FMN2: variants seen among roughly 807,000 people sequenced by gnomAD.
FMN2 encodes the protein formin-2.
Under a neutral mutation model 142.3 loss-of-function variants are expected in FMN2, and 51 were observed. The observed-to-expected ratio is 0.36, with a 90% CI of 0.29 to 0.45. FMN2 has a LOEUF of 0.45. Among genes scored for constraint, FMN2 ranks in the 20% least tolerant of loss-of-function variants. The pLI is 1.00. For missense variants in FMN2, 1,936 were observed against 2,122.8 expected (o/e 0.91, Z 1.73); for synonymous variants, 882 against 869.8 (o/e 1.01, Z -0.25).
chr1:240,391,760 T>C (rs1218399809), intron 14 of FMN2, among the ~76,000 whole-genome samples: 1 of 151,736 alleles, frequency 6.6e-6, no homozygotes, highest in African/African-American at 2.4e-5. Context: ...TATATTAATA[T>C]GTATGGAGGT....
intron 8 of FMN2, among the ~76,000 whole-genome samples, chr1:240,296,186 T>C (rs970239693): frequency 1.4e-5 from 2 of 147,918 alleles, no homozygotes; most frequent in African/African-American, 5.0e-5. Flanking sequence ...GCTTTTGTTA[T>C]GTAGTACTTT....
At chr1:240,396,692 G>A (rs1180918244) in intron 15 of FMN2, among the ~76,000 whole-genome samples, 5 of 152,162 alleles carry the variant, frequency 3.3e-5, no homozygotes, top group Admixed American at 6.5e-5. Flanking sequence ...ACTTATAAGT[G>A]AGAATAGGCA....
chr1:240,402,549 A>G (rs1572270624), intron 15 of FMN2, among the ~76,000 whole-genome samples: 1 of 152,266 alleles, frequency 6.6e-6, no homozygotes, highest in Non-Finnish European at 1.5e-5. Flanking sequence ...AAGCCAAGCC[A>G]TCATATTGTA....
At chr1:240,171,042 G>T (rs1364336164) in intron 2 of FMN2, 4 of 1,052,842 alleles carry the variant, frequency 3.8e-6, no homozygotes, top group African/African-American at 1.6e-5. Context: ...TCAGTGTGGT[G>T]GTTGGAGTAG....
intron 15 of FMN2, among the ~76,000 whole-genome samples, chr1:240,405,597 G>A (rs1407514882): frequency 1.3e-5 from 2 of 148,600 alleles, no homozygotes; most frequent in Admixed American, 6.7e-5. Context: ...CAGCCTGGGC[G>A]ACAAGAGCAA....
intron 1 of FMN2, among the ~76,000 whole-genome samples, chr1:240,116,979 G>GA: frequency 6.7e-6 from 1 of 149,332 alleles, no homozygotes; most frequent in East Asian, 2.0e-4. Flanking sequence ...TGTTCTTTCG[G>GA]TTTTTTTTTT....
At chr1:240,325,213 C>G (rs1671123493) in intron 8 of FMN2, among the ~76,000 whole-genome samples, 1 of 151,756 alleles carries the variant, frequency 6.6e-6, no homozygotes, top group Non-Finnish European at 1.5e-5. Flanking sequence ...CAAAACTTAG[C>G]TGGAGGGTAG....
chr1:240,149,988 G>A (rs1207316645), intron 2 of FMN2, among the ~76,000 whole-genome samples: 1 of 152,094 alleles, frequency 6.6e-6, no homozygotes. Flanking sequence ...AATCTGATAT[G>A]TATAAATGCT....
chr1:240,244,723 TA>T (rs1032416626), intron 6 of FMN2, among the ~76,000 whole-genome samples: 39 of 152,342 alleles, frequency 2.6e-4, no homozygotes, highest in African/African-American at 8.9e-4. Flanking sequence ...GGTATTTTTT[TA>T]AAACATACAT....
intron 1 of FMN2, among the ~76,000 whole-genome samples, chr1:240,096,320 T>C (rs892355671): frequency 3.3e-5 from 5 of 152,204 alleles, no homozygotes; most frequent in African/African-American, 1.2e-4. Context: ...TAAGGTGTCC[T>C]CCTTTAATGG....
chr1:240,216,056 C>T (rs1015784098), intron 6 of FMN2, among the ~76,000 whole-genome samples: 1 of 152,126 alleles, frequency 6.6e-6, no homozygotes, highest in Non-Finnish European at 1.5e-5. Context: ...GTTTCACCAA[C>T]ATGACATTTG....
intron 14 of FMN2, among the ~76,000 whole-genome samples, chr1:240,385,413 A>T (rs1204215180): frequency 6.6e-6 from 1 of 152,190 alleles, no homozygotes; most frequent in Non-Finnish European, 1.5e-5. Context: ...AGCAAAGAAA[A>T]AGGAAAGGAA....
intron 13 of FMN2, among the ~76,000 whole-genome samples, chr1:240,337,564 G>A (rs572118227): frequency 2.0e-5 from 3 of 152,236 alleles, no homozygotes; most frequent in Middle Eastern, 3.4e-3. Flanking sequence ...ATAGGATAAC[G>A]TATAGAAAGC....
At chr1:240,404,752 C>T (rs1177453229) in intron 15 of FMN2, among the ~76,000 whole-genome samples, 2 of 152,150 alleles carry the variant, frequency 1.3e-5, no homozygotes, top group Non-Finnish European at 2.9e-5. Context: ...TGACTTTCAA[C>T]AGTAGGGGAG....
rs190203651 is a variant in FMN2 at position 240,219,598 on chromosome 1, T to C, written c.4065+8363T>C. 1.4e-4 allele frequency among the ~76,000 whole-genome samples: 22 copies of C among 152,290 alleles called. No individual in the cohort carries two copies. In the East Asian group the frequency reaches 4.1e-3, roughly 28 times the overall value. Reference sequence around the variant, plus strand: ...TTTAAAACTTTTTATAAATGGAAAATAAACTGTTTCTTTTTTAAAGCCATA... The same window carrying C: ...TTTAAAACTTTTTATAAATGGAAAACAAACTGTTTCTTTTTTAAAGCCATA... On this transcript the variant is annotated intron_variant, in intron 6 of 17. Transcript: ENST00000319653.
intron 3 of FMN2, among the ~76,000 whole-genome samples, chr1:240,185,626 GC>G (rs1484219603): frequency 1.3e-5 from 2 of 152,208 alleles, no homozygotes; most frequent in Non-Finnish European, 2.9e-5. Flanking sequence ...TACCATCAGA[GC>G]CCAGAAGTTT....
At chr1:240,451,094 G>T (rs866776188) in intron 16 of FMN2, among the ~76,000 whole-genome samples, 4 of 152,140 alleles carry the variant, frequency 2.6e-5, no homozygotes, top group African/African-American at 9.7e-5. Context: ...TTGGCTGGGC[G>T]CAGTGGCTCA....
intron 13 of FMN2, among the ~76,000 whole-genome samples, chr1:240,343,975 A>G (rs1271520936): frequency 6.6e-6 from 1 of 152,190 alleles, no homozygotes; most frequent in African/African-American, 2.4e-5. Flanking sequence ...TTCTTAGAAC[A>G]CAGTGACCAT....
intron 13 of FMN2, among the ~76,000 whole-genome samples, chr1:240,349,377 G>A (rs552377635): frequency 1.3e-5 from 2 of 152,230 alleles, no homozygotes; most frequent in Non-Finnish European, 2.9e-5. Context: ...ACTTGCTGAG[G>A]CTGGTTTGTA....
Sources: gnomAD v4.1 joint callset for allele counts (sites outside exome capture counted in the v4.1 genomes callset) on GRCh38, gnomAD v4.1.1 for gene constraint, MANE v1.5 for transcripts, NCBI Gene and HGNC (gene_info 2026-07-23, HGNC 2026-07-21) for gene names.